Variants in VWA3B observed in about 807,000 individuals in gnomAD.
The protein encoded by VWA3B is von Willebrand factor A domain containing 3B.
A neutral mutation model predicts 158.3 loss-of-function variants in VWA3B; 138 were observed. The observed-to-expected ratio is 0.87, with a 90% CI of 0.76 to 1.00. The LOEUF is 1.00. Ranked by LOEUF, VWA3B falls within the 50% of genes least tolerant of loss-of-function variation. The pLI is 0.00. For missense variants in VWA3B, 1,555 were observed against 1,565.1 expected (o/e 0.99, Z 0.11); for synonymous variants, 596 against 587.3 (o/e 1.01, Z -0.21).
intron 22 of VWA3B, among the ~76,000 whole-genome samples, chr2:98,288,270 AT>A (rs763071872): frequency 3.3e-5 from 5 of 152,224 alleles, no homozygotes; most frequent in Admixed American, 6.5e-5. Flanking sequence ...AGGAGATTTA[AT>A]TTTTTTCCAT....
At chr2:98,180,088 CTTTCTTTCTTTCT>C (rs1343726655) in intron 8 of VWA3B, among the ~76,000 whole-genome samples, 15 of 139,666 alleles carry the variant, frequency 1.1e-4, no homozygotes, top group African/African-American at 3.7e-4. Flanking sequence ...TTCTTTCTCT[CTTTCTTTCTTTCT>C]TTTCTTTCTT....
At chr2:98,092,003 G>A (rs1682327558) in intron 1 of VWA3B, among the ~76,000 whole-genome samples, 1 of 152,318 alleles carries the variant, frequency 6.6e-6, no homozygotes, top group African/African-American at 2.4e-5. Flanking sequence ...AGTTTAATAT[G>A]TTGCATATGG....
intron 19 of VWA3B, 131 bp from the exon 20 acceptor site, chr2:98,250,187 A>G (rs1574197199): frequency 3.3e-6 from 2 of 614,454 alleles, no homozygotes; most frequent in East Asian, 5.9e-5. Flanking sequence ...GTGTTTTCTA[A>G]TGTTCTACAT....
intron 7 of VWA3B, among the ~76,000 whole-genome samples, chr2:98,143,193 T>C (rs1676915598): frequency 6.6e-6 from 1 of 152,050 alleles, no homozygotes; most frequent in South Asian, 2.1e-4. Context: ...GCGCCTGCCA[T>C]CACGCCAGGC....
At chr2:98,248,885 C>CTT (rs75531074) in intron 19 of VWA3B, among the ~76,000 whole-genome samples, 8,186 of 57,940 alleles carry the variant, frequency 0.14, 548 homozygotes, top group African/African-American at 0.18. Flanking sequence ...CTTTCTTTCT[C>CTT]TCTTTCCTTT....
At chr2:98,281,637 A>G (rs74698258) in intron 22 of VWA3B, among the ~76,000 whole-genome samples, 5,932 of 152,226 alleles carry the variant, frequency 0.039, 169 homozygotes, top group Middle Eastern at 0.075. Flanking sequence ...ACCTTTAGTC[A>G]TTTCACTATC....
chr2:98,269,675 A>G (rs1296185474), intron 21 of VWA3B, among the ~76,000 whole-genome samples: 1 of 152,118 alleles, frequency 6.6e-6, no homozygotes, highest in Non-Finnish European at 1.5e-5. Flanking sequence ...ACTCTCCTTC[A>G]TGCAGCTTTT....
chr2:98,267,112 C>T (rs2105872206), intron 21 of VWA3B, among the ~76,000 whole-genome samples: 1 of 151,704 alleles, frequency 6.6e-6, no homozygotes, highest in South Asian at 2.1e-4. Flanking sequence ...AGAGGGCATC[C>T]CTGTCTTGTG....
At chr2:98,133,356 T>G (rs1294802681) in intron 6 of VWA3B, among the ~76,000 whole-genome samples, 1 of 152,138 alleles carries the variant, frequency 6.6e-6, no homozygotes, top group Non-Finnish European at 1.5e-5. Flanking sequence ...TGAGTTAAAG[T>G]TGACTGATGC....
intron 7 of VWA3B, among the ~76,000 whole-genome samples, chr2:98,135,325 CTTTTTTTTTTTT>C (rs397873615): frequency 8.3e-5 from 8 of 96,390 alleles, no homozygotes; most frequent in Admixed American, 1.2e-4. Flanking sequence ...AAACATTTTT[CTTTTTTTTTTTT>C]TTTTTTTTTT....
intron 25 of VWA3B, 97 bp downstream of exon 25, chr2:98,300,313 G>A (rs1476566299): frequency 5.9e-6 from 9 of 1,536,490 alleles, no homozygotes; most frequent in Non-Finnish European, 7.1e-6. Flanking sequence ...TTCCCTGGCT[G>A]CATCTGCTGC....
At chr2:98,180,401 AG>A (rs1332904824) in intron 8 of VWA3B, among the ~76,000 whole-genome samples, 1 of 152,242 alleles carries the variant, frequency 6.6e-6, no homozygotes, top group Admixed American at 6.5e-5. Flanking sequence ...CATGTTGGCC[AG>A]GCTGGTGTTA....
the VWA3B span, among the ~76,000 whole-genome samples, chr2:98,323,030 A>G: frequency 1.3e-5 from 2 of 152,198 alleles, no homozygotes; most frequent in Non-Finnish European, 2.9e-5. Context: ...AGAATCCAGA[A>G]TCACTAGAAT....
intron 12 of VWA3B, among the ~76,000 whole-genome samples, chr2:98,207,947 T>C (rs891581439): frequency 2.0e-5 from 3 of 152,176 alleles, no homozygotes; most frequent in African/African-American, 7.2e-5. Flanking sequence ...TCTACCTATT[T>C]TATCTATTAC....
chr2:98,213,181 T>A (rs891914253), intron 13 of VWA3B, among the ~76,000 whole-genome samples: 1 of 152,044 alleles, frequency 6.6e-6, no homozygotes, highest in African/African-American at 2.4e-5. Context: ...TGTGGAAATA[T>A]GTGGGGGGCT....
chr2:98,244,826 T>C (rs1163178992), intron 19 of VWA3B, among the ~76,000 whole-genome samples: 1 of 152,172 alleles, frequency 6.6e-6, no homozygotes, highest in East Asian at 1.9e-4. Context: ...ATAAATAGTA[T>C]TATCACTATT....
intron 26 of VWA3B, among the ~76,000 whole-genome samples, chr2:98,305,135 G>A (rs1690442566): frequency 6.6e-6 from 1 of 152,062 alleles, no homozygotes. Context: ...CCCTCCTCTT[G>A]AGGCTCGTTG....
intron 2 of VWA3B, among the ~76,000 whole-genome samples, chr2:98,096,521 G>A (rs1042387862): frequency 2.8e-4 from 42 of 151,828 alleles, no homozygotes; most frequent in African/African-American, 9.2e-4. Context: ...CACCTGCCTC[G>A]GCCTCCCAAA....
chr2:98,255,319 A>C (rs1687062749), intron 20 of VWA3B, among the ~76,000 whole-genome samples: 1 of 145,998 alleles, frequency 6.8e-6, no homozygotes, highest in South Asian at 2.3e-4. Context: ...GGCGTGAGCC[A>C]CTGCACCCGG....
Sources: gnomAD v4.1 joint callset for allele counts (sites outside exome capture counted in the v4.1 genomes callset) on GRCh38, gnomAD v4.1.1 for gene constraint, MANE v1.5 for transcripts, NCBI Gene and HGNC (gene_info 2026-07-23, HGNC 2026-07-21) for gene names.